The following PRKN variants were observed in gnomAD, a reference collection of about 807,000 sequenced individuals.
The protein encoded by PRKN is parkin RBR E3 ubiquitin protein ligase, also known as E3 ubiquitin-protein ligase parkin.
Under a neutral mutation model 59.5 loss-of-function variants are expected in PRKN, and 56 were observed. The observed-to-expected ratio is 0.94, with a 90% CI of 0.76 to 1.18. PRKN has a LOEUF of 1.18. Ranked by LOEUF, PRKN falls within the 50% of genes most tolerant of loss-of-function variation. PRKN has a pLI of 0.00. For synonymous variants in PRKN, 250 were observed against 222.1 expected (o/e 1.13, Z -1.12); for missense variants, 657 against 596.4 (o/e 1.10, Z -1.06).
chr6:162,099,007 ACT>A (rs200194151), intron 4 of PRKN, among the ~76,000 whole-genome samples: 5,543 of 152,322 alleles, frequency 0.036, 158 homozygotes, highest in Middle Eastern at 0.075. Context: ...TTTTCAAGGT[ACT>A]ATAGCTTTTA....
chr6:162,023,103 G>A (rs1308004115), intron 5 of PRKN, among the ~76,000 whole-genome samples: 1 of 151,990 alleles, frequency 6.6e-6, no homozygotes, highest in Non-Finnish European at 1.5e-5. Context: ...TGCTTCTTCA[G>A]AGCCCTGCTG....
rs1252303004 is a variant in PRKN at position 161,562,458 on chromosome 6, C to A, written c.933+6897G>T. Reference sequence around the variant, plus strand: ...TCCTTACGGTTCATCCAATCACGGTCTCTCCTTTCTTGGCTTCTTCTGAGA... The same window carrying A: ...TCCTTACGGTTCATCCAATCACGGTATCTCCTTTCTTGGCTTCTTCTGAGA... On this transcript the variant is annotated intron_variant, in intron 8 of 11. Transcript: ENST00000366898. This position sits in a 1 kb window ranked among gnomAD's most constrained non-coding sequence, Gnocchi z 4.3. Among the ~76,000 whole-genome samples, 1 of 152,138 alleles carries A rather than the reference C, an allele frequency of 6.6e-6. No homozygotes were observed. The highest frequency in any genetic ancestry group is 6.5e-5 in the Admixed American group (1 of 15,286).
chr6:162,064,340 G>A (rs766723063), intron 4 of PRKN, among the ~76,000 whole-genome samples: 1 of 152,194 alleles, frequency 6.6e-6, no homozygotes, highest in Non-Finnish European at 1.5e-5. Flanking sequence ...TTACATGAGT[G>A]TATGTAACTG....
intron 2 of PRKN, among the ~76,000 whole-genome samples, chr6:162,286,386 T>C (rs574146062): frequency 2.0e-5 from 3 of 152,284 alleles, no homozygotes; most frequent in African/African-American, 7.2e-5. Flanking sequence ...TTGTGCTACA[T>C]ACCACCTCCT....
chr6:161,661,726 T>C (rs886178041), intron 7 of PRKN, among the ~76,000 whole-genome samples: 23 of 152,174 alleles, frequency 1.5e-4, no homozygotes, highest in Admixed American at 1.4e-3. Flanking sequence ...ATTGAATAAA[T>C]GTGTGGTACA....
At chr6:162,302,963 TACACACACACACACACACACAC>T (rs71004084) in intron 2 of PRKN, among the ~76,000 whole-genome samples, 46 of 139,592 alleles carry the variant, frequency 3.3e-4, no homozygotes, top group African/African-American at 1.2e-3. Context: ...GCCTTAAACA[TACACACACACACACACACACAC>T]ACACACACAC....
intron 7 of PRKN, among the ~76,000 whole-genome samples, chr6:161,657,439 C>G (rs187588207): frequency 1.6e-4 from 25 of 152,332 alleles, no homozygotes; most frequent in African/African-American, 5.5e-4. Context: ...TCTGGAAGAG[C>G]ATTCAAGACC....
At chr6:162,192,849 A>C (rs1276894971) in intron 4 of PRKN, among the ~76,000 whole-genome samples, 1 of 152,162 alleles carries the variant, frequency 6.6e-6, no homozygotes, top group Non-Finnish European at 1.5e-5. Context: ...ATCAAAACAA[A>C]AACACTGAGA....
chr6:161,910,851 A>C (rs2128236974), intron 6 of PRKN, among the ~76,000 whole-genome samples: 1 of 152,312 alleles, frequency 6.6e-6, no homozygotes, highest in African/African-American at 2.4e-5. Context: ...ACCAGCAAAA[A>C]GATTATGACT....
chr6:161,751,908 G>A lies in PRKN; in HGVS notation c.871+33864C>T, dbSNP rs541438324. 1.2e-3 allele frequency among the ~76,000 whole-genome samples: 179 copies of A among 152,314 alleles called. 1 individual carries two copies. The highest frequency in any genetic ancestry group is 4.1e-3 in the African/African-American group (171 of 41,564). On this transcript the variant is annotated intron_variant, in intron 7 of 11. Transcript: ENST00000366898. ...AAGGAGAAGGGGCAGTGAACTGGCT[G>A]GAGAAGAGCAGGTGCAAAGGCCCTG...
At chr6:162,181,931 G>A (rs924241834) in intron 4 of PRKN, among the ~76,000 whole-genome samples, 3 of 152,122 alleles carry the variant, frequency 2.0e-5, no homozygotes, top group Admixed American at 6.5e-5. Context: ...ATCAAAAACA[G>A]GAAATCCATT....
intron 2 of PRKN, among the ~76,000 whole-genome samples, chr6:162,336,444 G>A (rs181473150): frequency 5.3e-5 from 8 of 152,138 alleles, no homozygotes; most frequent in South Asian, 2.1e-4. Flanking sequence ...ACACATCTGC[G>A]GCACATGACA....
rs1786763632 is a variant in PRKN, at chr6:161,396,441, TGG to T, written c.1084-9566_1084-9565del. Among the ~76,000 whole-genome samples, 1 of 152,180 alleles carries T rather than the reference TGG, an allele frequency of 6.6e-6. No homozygotes were observed. The highest frequency in any genetic ancestry group is 1.5e-5 in the Non-Finnish European group (1 of 68,036). ...CATTTCTCAGACCTTATGGAGCAGT[TGG>T]CTCCTTCTAGAACTGGAGCACTGGT... On this transcript the variant is annotated intron_variant, in intron 9 of 11. Transcript: ENST00000366898. The surrounding 1 kb of genome is among the most constrained non-coding windows in gnomAD (Gnocchi z 5.4).
intron 7 of PRKN, among the ~76,000 whole-genome samples, chr6:161,693,784 T>C (rs1017839466): frequency 6.6e-6 from 1 of 152,218 alleles, no homozygotes; most frequent in African/African-American, 2.4e-5. Context: ...GGTGCACAGC[T>C]ACTAAATGAT....
intron 4 of PRKN, among the ~76,000 whole-genome samples, chr6:162,166,037 G>A (rs1782968589): frequency 1.0e-5 from 1 of 99,032 alleles, no homozygotes; most frequent in Admixed American, 1.5e-4. Flanking sequence ...AACAGAGCGA[G>A]ACTCTATCTC....
chr6:161,608,030 G>A (rs1782346906), intron 7 of PRKN, among the ~76,000 whole-genome samples: 2 of 152,178 alleles, frequency 1.3e-5, no homozygotes, highest in Admixed American at 6.5e-5. Context: ...TTGATCTAGT[G>A]TTGGGGGGAC....
intron 8 of PRKN, among the ~76,000 whole-genome samples, chr6:161,553,129 A>G (rs1211475079): frequency 6.6e-6 from 1 of 152,162 alleles, no homozygotes. Context: ...TCTGTTTTGA[A>G]GATGTGTTGT....
chr6:161,924,426 G>A (rs1354794426), intron 6 of PRKN, among the ~76,000 whole-genome samples: 1 of 152,136 alleles, frequency 6.6e-6, no homozygotes, highest in Non-Finnish European at 1.5e-5. Context: ...CTTTTCCACA[G>A]TGACTAAGTC....
At chr6:162,334,490 A>G (rs1400649301) in intron 2 of PRKN, among the ~76,000 whole-genome samples, 1 of 152,190 alleles carries the variant, frequency 6.6e-6, no homozygotes, top group Non-Finnish European at 1.5e-5. Context: ...ATCTGTTTAC[A>G]GTGTGTTTTA....
Sources: gnomAD v4.1 joint callset for allele counts (sites outside exome capture counted in the v4.1 genomes callset) on GRCh38, gnomAD v4.1.1 for gene constraint, Gnocchi (gnomAD v3.1) non-coding constraint, MANE v1.5 for transcripts, NCBI Gene and HGNC (gene_info 2026-07-23, HGNC 2026-07-21) for gene names.